Variants in DCTN6 observed in about 807,000 individuals in gnomAD.
The protein encoded by DCTN6 is dynactin subunit 6, also known as dynactin 6.
A neutral mutation model predicts 25.8 loss-of-function variants in DCTN6; 15 were observed. The ratio of observed to expected loss-of-function variants is 0.58; its 90% CI spans 0.39 to 0.89. The LOEUF is 0.89. Among genes scored for constraint, DCTN6 ranks in the 40% least tolerant of loss-of-function variants. The pLI is 0.00. For synonymous variants in DCTN6, 64 were observed against 78.3 expected (o/e 0.82, Z 0.96); for missense variants, 198 against 237.6 (o/e 0.83, Z 1.09).
chr8:30,181,376 T>C (rs574799220), intron 6 of DCTN6, among the ~76,000 whole-genome samples: 30 of 152,214 alleles, frequency 2.0e-4, no homozygotes, highest in Admixed American at 5.9e-4. Context: ...TAAACACAGC[T>C]TGTGAATAAG....
At chr8:30,159,350 T>G (rs567394311) in intron 1 of DCTN6, among the ~76,000 whole-genome samples, 70 of 152,270 alleles carry the variant, frequency 4.6e-4, no homozygotes, top group African/African-American at 1.7e-3. Context: ...TGTGTATGTC[T>G]TCTTTTTTTT....
intron 3 of DCTN6, chr8:30,176,411 G>T (rs563142568): frequency 1.3e-5 from 2 of 152,282 alleles, no homozygotes; most frequent in African/African-American, 4.8e-5. Context: ...ACCCCACCTT[G>T]TAGTCCCAGC....
chr8:30,162,935 C>T (rs1803615819), intron 1 of DCTN6, among the ~76,000 whole-genome samples: 1 of 151,934 alleles, frequency 6.6e-6, no homozygotes, highest in East Asian at 1.9e-4. Flanking sequence ...ACATACTGTC[C>T]ATTTTCTCAC....
At chr8:30,159,110 C>T (rs1421761384) in intron 1 of DCTN6, among the ~76,000 whole-genome samples, 1 of 152,134 alleles carries the variant, frequency 6.6e-6, no homozygotes, top group South Asian at 2.1e-4. Context: ...GCTGTATCAC[C>T]CAGAAGGACC....
At chr8:30,172,614 C>G (rs1803779425) in intron 2 of DCTN6, among the ~76,000 whole-genome samples, 1 of 151,948 alleles carries the variant, frequency 6.6e-6, no homozygotes, top group South Asian at 2.1e-4. Context: ...CCATGCCTGG[C>G]TAATTTTTTT....
chr8:30,169,081 G>A (rs1319566163), intron 2 of DCTN6, among the ~76,000 whole-genome samples: 1 of 152,230 alleles, frequency 6.6e-6, no homozygotes, highest in Non-Finnish European at 1.5e-5. Context: ...CGGCTCAGTG[G>A]AAATGTTTTG....
intron 1 of DCTN6, among the ~76,000 whole-genome samples, chr8:30,159,126 T>G (rs1185779977): frequency 6.6e-6 from 1 of 152,146 alleles, no homozygotes; most frequent in Non-Finnish European, 1.5e-5. Flanking sequence ...GGACCATTGG[T>G]AGGATTTCAT....
At chr8:30,180,214 G>T (rs1414467333) in intron 5 of DCTN6, among the ~76,000 whole-genome samples, 2 of 152,048 alleles carry the variant, frequency 1.3e-5, no homozygotes, top group Non-Finnish European at 2.9e-5. Flanking sequence ...AAGTAGAGTG[G>T]CCTCTTTGTT....
chr8:30,174,813 C>T (rs961965721), intron 2 of DCTN6, among the ~76,000 whole-genome samples: 26 of 152,304 alleles, frequency 1.7e-4, no homozygotes, highest in Middle Eastern at 3.4e-3. Flanking sequence ...TCTGTTTCAC[C>T]GCTGAGATCA....
intron 2 of DCTN6, among the ~76,000 whole-genome samples, chr8:30,164,770 C>T (rs947435193): frequency 7.9e-5 from 12 of 152,202 alleles, no homozygotes; most frequent in East Asian, 3.8e-4. Flanking sequence ...CATGGAGCTC[C>T]GGCCCTGCAG....
intron 2 of DCTN6, among the ~76,000 whole-genome samples, chr8:30,167,561 T>C (rs898477153): frequency 6.6e-6 from 1 of 152,138 alleles, no homozygotes; most frequent in Non-Finnish European, 1.5e-5. Flanking sequence ...CCTCAGTTGA[T>C]CCTCCTGCCT....
At position 30,183,204 on chromosome 8, in the gene DCTN6, G is replaced by A. The variant is rs754123310; in HGVS notation, c.*31G>A. The stretch of plus-strand genomic sequence containing the variant: ...GTGTATAACATGAAGATAACATTTT[G>A]TCTTTGACCACTGTCTTTTGAATGG... On this transcript the variant is annotated 3_prime_UTR_variant, in exon 7 of 7. Transcript: ENST00000221114. 6.3e-7 allele frequency: 1 copy of A among 1,579,006 alleles called. No individual in the cohort carries two copies. The highest frequency in any genetic ancestry group is 8.7e-7 in the Non-Finnish European group (1 of 1,150,316).
intron 2 of DCTN6, among the ~76,000 whole-genome samples, chr8:30,165,167 T>C (rs1220706367): frequency 6.6e-6 from 1 of 152,216 alleles, no homozygotes; most frequent in Non-Finnish European, 1.5e-5. Flanking sequence ...AAATATTTGC[T>C]GTTAACGCTG....
intron 3 of DCTN6, 119 bp from the exon 4 acceptor site, chr8:30,177,007 T>C (rs1803844502): frequency 1.5e-6 from 1 of 685,432 alleles, no homozygotes; most frequent in Non-Finnish European, 2.5e-6. Flanking sequence ...ACTTATATAG[T>C]CATGTCTTTT....
chr8:30,175,176 C>T lies in DCTN6; in HGVS notation c.180C>T (p.Ala60=), dbSNP rs1330172208. The T allele has an allele frequency of 7.4e-6, 12 of 1,613,776 alleles. No homozygotes were observed. Among genetic ancestry groups the T allele is most frequent in the Non-Finnish European group, 1.0e-5 (12 of 1,179,836 alleles). ...IGEGNLIEEQ[A]LIINAYPDNI... ...AAGGGAACCTAATAGAAGAACAGGC[C>T]CTTATCATAAATGCGTAAGACTCTT... The change falls in exon 3 of 7, where the codon GCC becomes GCT. Residue 60 remains alanine (A), a synonymous_variant. Coordinates refer to ENST00000221114, the MANE Select transcript of DCTN6 (RefSeq NM_006571.4).
intron 2 of DCTN6, among the ~76,000 whole-genome samples, chr8:30,170,527 T>A (rs887867642): frequency 5.3e-5 from 8 of 152,152 alleles, no homozygotes; most frequent in Non-Finnish European, 1.5e-5. Flanking sequence ...TGTTTAATAA[T>A]TATTAATAAT....
chr8:30,182,305 C>T (rs1162753121), intron 6 of DCTN6, among the ~76,000 whole-genome samples: 3 of 152,136 alleles, frequency 2.0e-5, no homozygotes, highest in Non-Finnish European at 4.4e-5. Context: ...ACAAGTACCG[C>T]AGTGAGTTTT....
Position 30,164,141 on chromosome 8 carries a change from T to G in DCTN6, c.54T>G (p.Cys18Trp). The G allele has an allele frequency of 6.2e-7, 1 of 1,613,934 alleles. No homozygotes were observed. The highest frequency in any genetic ancestry group is 8.5e-7 in the Non-Finnish European group (1 of 1,179,790). The change falls in exon 2 of 7, where the codon TGT (cysteine) becomes TGG (tryptophan). Residue 18 changes from cysteine (C) to tryptophan (W), a missense_variant. Coordinates refer to ENST00000221114, the MANE Select transcript of DCTN6 (RefSeq NM_006571.4). ...SVKIAPGAVV[C>W]VESEIRGDVT... ...AGATTGCTCCTGGAGCAGTTGTATG[T>G]GTAGAAAGTGAAATCAGAGGAGATG...
At chr8:30,179,274 G>T in intron 4 of DCTN6, 134 bp from the exon 5 acceptor site, 1 of 548,266 alleles carries the variant, frequency 1.8e-6, no homozygotes. Flanking sequence ...AGAGCAAAGA[G>T]TTCTGGCAAG....
Sources: gnomAD v4.1 joint callset for allele counts (sites outside exome capture counted in the v4.1 genomes callset) on GRCh38, gnomAD v4.1.1 for gene constraint, MANE v1.5 for transcripts, NCBI Gene and HGNC (gene_info 2026-07-23, HGNC 2026-07-21) for gene names.